ANGPT2: variants seen among roughly 807,000 people sequenced by gnomAD.
ANGPT2 encodes the protein angiopoietin 2.
ANGPT2 carries 28 observed loss-of-function variants against 62.9 expected under a neutral mutation model. The ratio of observed to expected loss-of-function variants is 0.44; its 90% confidence interval spans 0.33 to 0.61. The LOEUF is 0.61. Among genes scored for constraint, ANGPT2 ranks in the 20% least tolerant of loss-of-function variants. ANGPT2 has a pLI of 0.03. For missense variants in ANGPT2, 727 were observed against 594.9 expected (o/e 1.22, Z -2.31); for synonymous variants, 284 against 207.8 (o/e 1.37, Z -3.15).
chr8:6,503,679 A>G (rs553465236), intron 8 of ANGPT2, among the ~76,000 whole-genome samples: 1 of 152,330 alleles, frequency 6.6e-6, no homozygotes, highest in East Asian at 1.9e-4. Context: ...CCCTTGCTCT[A>G]TTAAATGATT....
At chr8:6,530,062 T>C (rs1819172048) in intron 2 of ANGPT2, among the ~76,000 whole-genome samples, 1 of 152,154 alleles carries the variant, frequency 6.6e-6, no homozygotes, top group African/African-American at 2.4e-5. Flanking sequence ...AACTATTATT[T>C]TAAAATATAA....
intron 1 of ANGPT2, among the ~76,000 whole-genome samples, chr8:6,538,107 C>T (rs910763672): frequency 2.6e-5 from 4 of 152,006 alleles, no homozygotes; most frequent in South Asian, 2.1e-4. Context: ...CACACATACA[C>T]GTTTTTCTAT....
chr8:6,537,551 T>TA lies in ANGPT2; in HGVS notation c.289-5065dup, dbSNP rs1036529179. On this transcript the variant is annotated intron_variant, in intron 1 of 8. Transcript: ENST00000629816. ...ATGAAATATTTTAATGCAACATATA[T>TA]ATATATATATGTTTACATTAATATA... 3.0e-4 allele frequency among the ~76,000 whole-genome samples: 46 copies of TA among 151,600 alleles called. 1 individual carries two copies. Among genetic ancestry groups the TA allele is most frequent in the African/African-American group, 1.1e-3 (46 of 41,420 alleles).
At chr8:6,557,688 T>TACAC (rs112788253) in intron 1 of ANGPT2, among the ~76,000 whole-genome samples, 94,347 of 148,586 alleles carry the variant, frequency 0.63, 33,260 homozygotes, top group Non-Finnish European at 0.79. Context: ...TATGTGTGTG[T>TACAC]ACACACACAC....
At chr8:6,562,319 G>C (rs1183852224) in intron 1 of ANGPT2, among the ~76,000 whole-genome samples, 2 of 152,040 alleles carry the variant, frequency 1.3e-5, no homozygotes, top group African/African-American at 4.8e-5. Flanking sequence ...GAGCTTAAAC[G>C]ATGTAAACAA....
At chr8:6,544,240 A>G (rs932834189) in intron 1 of ANGPT2, among the ~76,000 whole-genome samples, 2 of 152,218 alleles carry the variant, frequency 1.3e-5, no homozygotes, top group Non-Finnish European at 2.9e-5. Flanking sequence ...TCTGTTTATT[A>G]TGGAAGACCA....
chr8:6,522,666 C>G (rs1048937420), intron 3 of ANGPT2, among the ~76,000 whole-genome samples: 3 of 151,480 alleles, frequency 2.0e-5, no homozygotes, highest in Non-Finnish European at 4.4e-5. Context: ...CCCAGCTACT[C>G]AGGAGGCTGA....
At chr8:6,515,896 G>T (rs1445583782) in intron 5 of ANGPT2, among the ~76,000 whole-genome samples, 2 of 152,316 alleles carry the variant, frequency 1.3e-5, no homozygotes, top group African/African-American at 4.8e-5. Flanking sequence ...CCAAGAGAGT[G>T]CTATTCCTGT....
At chr8:6,561,836 C>T (rs780290669) in intron 1 of ANGPT2, among the ~76,000 whole-genome samples, 2 of 151,734 alleles carry the variant, frequency 1.3e-5, no homozygotes, top group Non-Finnish European at 2.9e-5. Context: ...ATTTTGGTTA[C>T]GTCTCCATAA....
chr8:6,503,741 A>T (rs994913390), intron 8 of ANGPT2, among the ~76,000 whole-genome samples: 1 of 152,184 alleles, frequency 6.6e-6, no homozygotes, highest in Non-Finnish European at 1.5e-5. Context: ...GAGCTACATA[A>T]AAAGGAAGTC....
intron 7 of ANGPT2, among the ~76,000 whole-genome samples, chr8:6,510,133 G>C (rs1814722350): frequency 6.6e-6 from 1 of 150,982 alleles, no homozygotes; most frequent in African/African-American, 2.4e-5. Flanking sequence ...GAAGGGAGAA[G>C]ACAATATTTT....
At chr8:6,522,695 A>G (rs1212892872) in intron 3 of ANGPT2, among the ~76,000 whole-genome samples, 1 of 147,774 alleles carries the variant, frequency 6.8e-6, no homozygotes, top group African/African-American at 2.5e-5. Context: ...AACTGCTTGA[A>G]CCCGGGAGGT....
chr8:6,562,707 C>G lies in ANGPT2; in HGVS notation c.228G>C (p.Ser76=). ...QRDAPLEYDD[S]VQRLQVLENI... is the part of the protein sequence containing the mutation. ...TCTCCAGCACTTGCAGCCTCTGCACCGAGTCATCGTATTCGAGCGGCGCGT... is the reference window on the plus strand; with the variant it reads ...TCTCCAGCACTTGCAGCCTCTGCACGGAGTCATCGTATTCGAGCGGCGCGT... The change falls in exon 1 of 9, where the codon TCG becomes TCC. Residue 76 remains serine, a synonymous_variant. Coordinates refer to ENST00000629816, the MANE Select transcript of ANGPT2 (RefSeq NM_001118887.2). 5 of 1,612,840 alleles carry G rather than the reference C, an allele frequency of 3.1e-6. No homozygotes were observed. The highest frequency in any genetic ancestry group is 4.2e-6 in the Non-Finnish European group (5 of 1,179,156).
intron 4 of ANGPT2, among the ~76,000 whole-genome samples, 191 bp from the exon 5 acceptor site, chr8:6,520,182 A>C (rs1817047016): frequency 6.6e-6 from 1 of 152,180 alleles, no homozygotes; most frequent in African/African-American, 2.4e-5. Context: ...TCAAAAGATT[A>C]ATACTTACTT....
chr8:6,539,175 C>T (rs2922876), intron 1 of ANGPT2, among the ~76,000 whole-genome samples: 28,008 of 152,174 alleles, frequency 0.18, 2,726 homozygotes, highest in African/African-American at 0.23. Context: ...CTCCTAAACC[C>T]CTCGCCAGAG....
intron 1 of ANGPT2, among the ~76,000 whole-genome samples, chr8:6,552,832 C>A (rs1455175135): frequency 6.8e-6 from 1 of 147,770 alleles, no homozygotes; most frequent in African/African-American, 2.5e-5. Context: ...TTTTTTAACT[C>A]ACTCATTAAG....
At chr8:6,552,301 G>A (rs554229988) in intron 1 of ANGPT2, among the ~76,000 whole-genome samples, 76 of 152,336 alleles carry the variant, frequency 5.0e-4, no homozygotes, top group African/African-American at 1.8e-3. Context: ...ACGATGGAAT[G>A]TGGCCATATT....
chr8:6,544,607 A>G (rs578071609), intron 1 of ANGPT2, among the ~76,000 whole-genome samples: 1 of 152,288 alleles, frequency 6.6e-6, no homozygotes, highest in African/African-American at 2.4e-5. Context: ...AGGGTTGAGT[A>G]AGAACCGACA....
chr8:6,527,570 A>G lies in ANGPT2; in HGVS notation c.551T>C (p.Leu184Ser), dbSNP rs1393374956. The G allele has an allele frequency of 6.2e-7, 1 of 1,613,800 alleles. No individual in the cohort carries two copies. Among genetic ancestry groups the G allele is most frequent in the Non-Finnish European group, 8.5e-7 (1 of 1,179,918 alleles). The change falls in exon 3 of 9, where the codon TTG becomes TCG. Residue 184 changes from leucine (L) to serine (S), a missense_variant. By Grantham distance (145) the Leu-to-Ser change is moderately radical. Coordinates refer to ENST00000629816, the MANE Select transcript of ANGPT2 (RefSeq NM_001118887.2). ...ILDQTSEINK[L>S]QDKNSFLEKK... ...CTGTTATTACCTGTTCTTATCTTGC[A>G]ATTTGTTTATTTCACTGGTCTGGTC...
Sources: gnomAD v4.1 joint callset for allele counts (sites outside exome capture counted in the v4.1 genomes callset) on GRCh38, gnomAD v4.1.1 for gene constraint, MANE v1.5 for transcripts, NCBI Gene and HGNC (gene_info 2026-07-23, HGNC 2026-07-21) for gene names.